Variants in TBC1D9 observed in about 807,000 individuals in gnomAD.
TBC1D9 encodes the protein TBC1 domain family member 9A.
A neutral mutation model predicts 132.0 loss-of-function variants in TBC1D9; 63 were observed. The observed-to-expected ratio is 0.48, with a 90% CI of 0.39 to 0.59. The LOEUF is 0.59. Ranked by LOEUF, TBC1D9 falls within the 20% of genes least tolerant of loss-of-function variation. The pLI is 0.00. For missense variants in TBC1D9, 1,261 were observed against 1,592.7 expected (o/e 0.79, Z 3.54); for synonymous variants, 610 against 609.9 (o/e 1.00, Z 0.00).
intron 2 of TBC1D9, among the ~76,000 whole-genome samples, chr4:140,687,341 GTCATATATATATATA>G (rs2111025927): frequency 1.1e-5 from 1 of 91,068 alleles, no homozygotes; most frequent in East Asian, 4.1e-4. Context: ...GTGTGTGTGT[GTCATATATATATATA>G]TATATATATA....
chr4:140,724,008 G>T (rs996351435), intron 1 of TBC1D9, among the ~76,000 whole-genome samples: 1 of 152,160 alleles, frequency 6.6e-6, no homozygotes, highest in East Asian at 1.9e-4. Context: ...CTCCCAAAGC[G>T]CTGGGATTAC....
In TBC1D9 at chr4:140,659,623, C is replaced by G; in HGVS notation, c.1886G>C (p.Arg629Pro). The G allele has an allele frequency of 6.2e-7, 1 of 1,603,560 alleles. No homozygotes were observed. Among genetic ancestry groups the G allele is most frequent in the Non-Finnish European group, 8.5e-7 (1 of 1,175,084 alleles). ...AFWLLVALCE[R>P]MLPDYYNTRV... ...GGTGTTGTAGTAATCTGGGAGCATG[C>G]GCTCACACAAAGCCACAAGCAGCCA... is the stretch of plus-strand genomic sequence containing the variant. Residue 629 changes from arginine to proline, a missense_variant, in exon 11 of 21, where the codon CGC becomes CCC. Transcript: ENST00000442267.
chr4:140,644,460 ACCGC>A (rs1737067894), intron 13 of TBC1D9: 2 of 295,856 alleles, frequency 6.8e-6, no homozygotes, highest in Non-Finnish European at 1.3e-5. Context: ...CGGCGGGCTC[ACCGC>A]CTTGCCATAG....
At chr4:140,684,666 G>T (rs201069606) in intron 3 of TBC1D9, among the ~76,000 whole-genome samples, 3 of 151,268 alleles carry the variant, frequency 2.0e-5, no homozygotes, top group Non-Finnish European at 4.4e-5. Flanking sequence ...GAGACAGAGT[G>T]TCACTCTGTT....
chr4:140,681,138 T>C (rs1009509101), intron 3 of TBC1D9, among the ~76,000 whole-genome samples: 14 of 152,158 alleles, frequency 9.2e-5, no homozygotes, highest in African/African-American at 3.1e-4. Flanking sequence ...CGTTAGTAAC[T>C]GTGCTCCAGC....
intron 1 of TBC1D9, among the ~76,000 whole-genome samples, chr4:140,728,383 A>T (rs1439432187): frequency 6.9e-6 from 1 of 144,274 alleles, no homozygotes; most frequent in Non-Finnish European, 1.5e-5. Context: ...ATATTAAAAA[A>T]TTTTTAACTT....
At chr4:140,734,710 G>A (rs1241400442) in intron 1 of TBC1D9, among the ~76,000 whole-genome samples, 10 of 152,142 alleles carry the variant, frequency 6.6e-5, no homozygotes, top group Non-Finnish European at 5.9e-5. Context: ...TGGGAAGAAC[G>A]TTTGAGCCAA....
intron 1 of TBC1D9, among the ~76,000 whole-genome samples, chr4:140,726,427 G>A (rs925004272): frequency 2.0e-5 from 3 of 152,046 alleles, no homozygotes; most frequent in East Asian, 1.9e-4. Context: ...GTCAACATGC[G>A]CAAACTTTTC....
chr4:140,635,374 T>C (rs1239956910), intron 15 of TBC1D9, among the ~76,000 whole-genome samples: 1 of 151,952 alleles, frequency 6.6e-6, no homozygotes, highest in African/African-American at 2.4e-5. Context: ...CCCAGCTACT[T>C]GGGAGGCTGA....
intron 11 of TBC1D9, among the ~76,000 whole-genome samples, chr4:140,658,669 G>T (rs1737309590): frequency 6.6e-6 from 1 of 151,990 alleles, no homozygotes; most frequent in Non-Finnish European, 1.5e-5. Flanking sequence ...AATTAGCCAG[G>T]CATGGTGGTG....
At chr4:140,679,294 C>G in intron 4 of TBC1D9, 91 bp from the exon 5 acceptor site, 2 of 1,368,188 alleles carry the variant, frequency 1.5e-6, no homozygotes, top group Non-Finnish European at 2.0e-6. Flanking sequence ...CCCCATCCCA[C>G]TGAACTCCTT....
chr4:140,669,915 T>C (rs1737509672), intron 7 of TBC1D9, 111 bp from the exon 8 acceptor site: 2 of 1,103,876 alleles, frequency 1.8e-6, no homozygotes, highest in Admixed American at 2.5e-5. Flanking sequence ...TCCCATGGTG[T>C]TTCTTGCTAT....
rs183424478 is a variant in TBC1D9, at chr4:140,635,958, G to A, written c.2506-1770C>T. On this transcript the variant is annotated intron_variant, in intron 15 of 20. Transcript: ENST00000442267. Reference sequence around the variant, plus strand: ...CCTCTGTGGGCAGCATGGTGTTGGGGATATATTCCGGGAGGGAACCCCTTA... The same window carrying A: ...CCTCTGTGGGCAGCATGGTGTTGGGAATATATTCCGGGAGGGAACCCCTTA... Among the ~76,000 whole-genome samples the A allele has an allele frequency of 2.0e-5, 3 of 152,268 alleles. No homozygotes were observed. In the East Asian group the frequency reaches 5.8e-4, roughly 29 times the overall value.
At chr4:140,678,880 T>A (rs775925989) in intron 5 of TBC1D9, 62 bp downstream of exon 5, 39 of 1,563,252 alleles carry the variant, frequency 2.5e-5, no homozygotes, top group Non-Finnish European at 3.4e-5. Flanking sequence ...TTACACTGAA[T>A]AAATGAATGA....
intron 2 of TBC1D9, among the ~76,000 whole-genome samples, chr4:140,696,373 C>T (rs1271991939): frequency 1.4e-5 from 2 of 139,606 alleles, no homozygotes; most frequent in Non-Finnish European, 3.1e-5. Context: ...AGGAGAATCA[C>T]TTCAACCCAG....
chr4:140,735,882 A>G (rs559220648), intron 1 of TBC1D9, among the ~76,000 whole-genome samples: 5 of 152,226 alleles, frequency 3.3e-5, no homozygotes, highest in Non-Finnish European at 7.3e-5. Flanking sequence ...CTAGACAACC[A>G]GAGTGTTTAC....
intron 1 of TBC1D9, among the ~76,000 whole-genome samples, chr4:140,702,980 C>T (rs1738095494): frequency 6.6e-6 from 1 of 152,078 alleles, no homozygotes; most frequent in Non-Finnish European, 1.5e-5. Flanking sequence ...TATTACTACC[C>T]CAGGATTGTT....
chr4:140,675,723 G>A (rs1737613789), intron 6 of TBC1D9, among the ~76,000 whole-genome samples: 1 of 152,176 alleles, frequency 6.6e-6, no homozygotes, highest in African/African-American at 2.4e-5. Flanking sequence ...GATGGACTCA[G>A]GAATCTACCA....
intron 1 of TBC1D9, among the ~76,000 whole-genome samples, chr4:140,724,691 C>A (rs1738471914): frequency 1.3e-5 from 2 of 148,652 alleles, no homozygotes; most frequent in Non-Finnish European, 3.0e-5. Flanking sequence ...GCTCATGTAC[C>A]TAATATACAA....
Sources: gnomAD v4.1 joint callset for allele counts (sites outside exome capture counted in the v4.1 genomes callset) on GRCh38, gnomAD v4.1.1 for gene constraint, MANE v1.5 for transcripts, NCBI Gene and HGNC (gene_info 2026-07-23, HGNC 2026-07-21) for gene names.